Variants in SLC35F1 observed in about 807,000 individuals in gnomAD.
SLC35F1 encodes the protein chromosome 6 open reading frame 169.
In SLC35F1, 14 loss-of-function variants were observed where a neutral mutation model predicts 48.7. That is an observed-to-expected ratio of 0.29 (90% CI 0.19 to 0.45). The LOEUF is 0.45. SLC35F1 is among the 20% of genes least tolerant of loss of function. The pLI is 1.00. For missense variants in SLC35F1, 404 were observed against 500.0 expected, an observed-to-expected ratio of 0.81 and a Z score of 1.83; for synonymous variants, 190 against 202.2, an observed-to-expected ratio of 0.94 and a Z score of 0.51.
intron 1 of SLC35F1, among the ~76,000 whole-genome samples, chr6:118,115,894 T>C (rs1252329476): frequency 6.6e-6 from 1 of 152,198 alleles, no homozygotes; most frequent in Non-Finnish European, 1.5e-5. Context: ...GCGTTAATGT[T>C]AAAAAGTTAA....
chr6:117,945,443 C>A (rs1025005918), intron 1 of SLC35F1, among the ~76,000 whole-genome samples: 2 of 152,144 alleles, frequency 1.3e-5, no homozygotes, highest in East Asian at 3.8e-4. Flanking sequence ...TAGTCACTAT[C>A]CCATTTTACA....
At position 118,260,864 on chromosome 6, in the gene SLC35F1, T is replaced by C. The variant is rs528995832; in HGVS notation, c.478-6131T>C. ...CAAAATATGAATTTTATCCCTGTAA[T>C]ATTAGTTGTGTGTATCTACGCCTTT... is the stretch of plus-strand genomic sequence containing the variant. On this transcript the variant is annotated intron_variant, in intron 3 of 7. Transcript: ENST00000360388. Among the ~76,000 whole-genome samples the C allele has an allele frequency of 2.0e-5, 3 of 152,342 alleles. No homozygotes were observed. The East Asian group carries it at 5.8e-4, about 29-fold the overall frequency.
At chr6:117,972,611 C>T (rs1776657182) in intron 1 of SLC35F1, among the ~76,000 whole-genome samples, 1 of 152,220 alleles carries the variant, frequency 6.6e-6, no homozygotes, top group African/African-American at 2.4e-5. Flanking sequence ...AAAGACACAT[C>T]TTACATGGTG....
Position 118,125,024 on chromosome 6 carries a change from T to C in SLC35F1, c.174-29421T>C, listed in dbSNP as rs372858950. On this transcript the variant is annotated intron_variant, in intron 1 of 7. Transcript: ENST00000360388. ...CTGGAAGGATATCCTGCAGCTCAGC[T>C]TCTAATATTTACTCTCACATTCCAG... Among the ~76,000 whole-genome samples the C allele has an allele frequency of 4.1e-4, 63 of 152,294 alleles. 2 individuals are homozygous for C. In the South Asian group the frequency reaches 8.1e-3, roughly 20 times the overall value.
chr6:118,092,451 C>T (rs1005107277), intron 1 of SLC35F1, among the ~76,000 whole-genome samples: 3 of 152,232 alleles, frequency 2.0e-5, no homozygotes, highest in African/African-American at 7.2e-5. Context: ...AGAACCTCTG[C>T]TAGGGCTATG....
At chr6:118,170,550 C>T (rs1774387573) in intron 2 of SLC35F1, among the ~76,000 whole-genome samples, 1 of 152,160 alleles carries the variant, frequency 6.6e-6, no homozygotes, top group African/African-American at 2.4e-5. Context: ...AGCCTTTCTT[C>T]TGCCTCAGCC....
rs537091135 is a variant in SLC35F1, at chr6:118,179,717, AT to A, written c.349+25103del. On this transcript the variant is annotated intron_variant, in intron 2 of 7. Coordinates refer to ENST00000360388, the MANE Select transcript of SLC35F1 (RefSeq NM_001029858.4). ...GTACTCTTGGGATTGTGGAATGAAT[AT>A]TTTTTAAAGGCTTTTTTTAAAGCAT... Among the ~76,000 whole-genome samples, 121 of 152,194 alleles carry A rather than the reference AT, an allele frequency of 8.0e-4. No individual in the cohort carries two copies. In the East Asian group the frequency reaches 0.018, roughly 23 times the overall value.
At chr6:118,180,735 C>T (rs1774563802) in intron 2 of SLC35F1, among the ~76,000 whole-genome samples, 1 of 151,936 alleles carries the variant, frequency 6.6e-6, no homozygotes, top group Non-Finnish European at 1.5e-5. Flanking sequence ...AATATGAACT[C>T]AGATTCCGGA....
intron 7 of SLC35F1, among the ~76,000 whole-genome samples, chr6:118,288,929 C>G (rs980562158): frequency 6.6e-6 from 1 of 152,218 alleles, no homozygotes; most frequent in Non-Finnish European, 1.5e-5. Context: ...GATGTTAACA[C>G]TGATACACTC....
intron 7 of SLC35F1, among the ~76,000 whole-genome samples, chr6:118,288,027 G>A (rs908683077): frequency 3.0e-5 from 4 of 133,920 alleles, no homozygotes; most frequent in Non-Finnish European, 4.8e-5. Flanking sequence ...TTTTTTTTTG[G>A]TATGGCAAAA....
chr6:118,308,582 T>A (rs576873890), intron 7 of SLC35F1, among the ~76,000 whole-genome samples: 1 of 152,312 alleles, frequency 6.6e-6, no homozygotes, highest in South Asian at 2.1e-4. Flanking sequence ...ATTCCAAGAC[T>A]CTACCCTTAT....
chr6:118,199,851 G>A (rs538382002), intron 2 of SLC35F1, among the ~76,000 whole-genome samples: 2 of 152,022 alleles, frequency 1.3e-5, no homozygotes, highest in Non-Finnish European at 2.9e-5. Flanking sequence ...AGCTAGACAG[G>A]ACACATAATA....
chr6:118,268,532 A>G lies in SLC35F1; in HGVS notation c.637+1378A>G, dbSNP rs56987873. On this transcript the variant is annotated intron_variant, in intron 4 of 7. Transcript: ENST00000360388. ...TGAATAATCTTTTTGGACCAATCAG[A>G]TAATATTTTTGTCTTATACAATGTG... Among the ~76,000 whole-genome samples, 1,471 of 149,446 alleles carry G rather than the reference A, an allele frequency of 9.8e-3. 27 individuals carry two copies. The highest frequency in any genetic ancestry group is 0.034 in the African/African-American group (1,402 of 40,914).
At chr6:118,070,142 C>CAAAAA (rs61496169) in intron 1 of SLC35F1, among the ~76,000 whole-genome samples, 95 of 78,260 alleles carry the variant, frequency 1.2e-3, no homozygotes, top group East Asian at 2.9e-3. Context: ...GACTCCGTCT[C>CAAAAA]AAAAAAAAAA....
intron 7 of SLC35F1, among the ~76,000 whole-genome samples, chr6:118,306,819 T>A (rs532604065): frequency 6.6e-6 from 1 of 152,336 alleles, no homozygotes; most frequent in African/African-American, 2.4e-5. Flanking sequence ...TGTCTGTTTG[T>A]CATATAGAAG....
intron 1 of SLC35F1, among the ~76,000 whole-genome samples, chr6:117,946,603 T>C (rs193252454): frequency 6.6e-6 from 1 of 152,356 alleles, no homozygotes; most frequent in East Asian, 1.9e-4. Flanking sequence ...ATGTAAACTC[T>C]TAAGTGGTTT....
At chr6:118,271,298 A>T (rs1379293825) in intron 4 of SLC35F1, among the ~76,000 whole-genome samples, 3 of 152,198 alleles carry the variant, frequency 2.0e-5, no homozygotes, top group African/African-American at 4.8e-5. Flanking sequence ...CAGATATGAA[A>T]TTTAGCCATT....
intron 3 of SLC35F1, among the ~76,000 whole-genome samples, chr6:118,244,417 C>G (rs1409419727): frequency 1.3e-5 from 2 of 152,236 alleles, no homozygotes; most frequent in African/African-American, 2.4e-5. Context: ...AGGCAGAGAT[C>G]AGAAGCTTAG....
chr6:117,985,377 C>G (rs1776835353), intron 1 of SLC35F1, among the ~76,000 whole-genome samples: 1 of 152,166 alleles, frequency 6.6e-6, no homozygotes, highest in South Asian at 2.1e-4. Context: ...CAGCTAAAAA[C>G]AAACATTAGA....
Sources: allele counts gnomAD v4.1 joint callset (sites outside exome capture counted in the v4.1 genomes callset), GRCh38; gene constraint gnomAD v4.1.1; transcripts MANE v1.5; gene names NCBI Gene and HGNC (gene_info 2026-07-23, HGNC 2026-07-21).